Variants in CNBD1 observed in about 807,000 individuals in gnomAD.
CNBD1 encodes the protein cyclic nucleotide binding domain containing 1, also known as cyclic nucleotide-binding domain-containing protein 1.
Under a neutral mutation model 54.4 loss-of-function variants are expected in CNBD1, and 71 were observed. The ratio of observed to expected loss-of-function variants is 1.30; its 90% CI spans 1.08 to 1.59. The LOEUF (loss-of-function observed/expected upper bound fraction) is 1.59. Ranked by LOEUF, CNBD1 falls within the 40% of genes most tolerant of loss-of-function variation. The pLI is 0.00. For synonymous variants in CNBD1, 182 were observed against 170.7 expected, an observed-to-expected ratio of 1.07 and a Z score of -0.51; for missense variants, 659 against 518.0, an observed-to-expected ratio of 1.27 and a Z score of -2.64.
intron 2 of CNBD1, among the ~76,000 whole-genome samples, chr8:87,419,671 C>A (rs1411249851): frequency 1.3e-5 from 2 of 151,756 alleles, no homozygotes; most frequent in Admixed American, 6.6e-5. Context: ...GAAGTCTTCA[C>A]AATGTGAAAT....
intron 4 of CNBD1, among the ~76,000 whole-genome samples, chr8:87,002,923 A>T (rs1039934170): frequency 6.6e-6 from 1 of 152,180 alleles, no homozygotes; most frequent in African/African-American, 2.4e-5. Flanking sequence ...TTTGTAAAAA[A>T]ATATTTATTG....
downstream of CNBD1, among the ~76,000 whole-genome samples, chr8:87,387,180 G>A (rs991464378): frequency 1.6e-4 from 24 of 152,118 alleles, no homozygotes; most frequent in African/African-American, 5.3e-4. Flanking sequence ...ATCGAGGTTA[G>A]GAAGAAACTG....
intron 5 of CNBD1, among the ~76,000 whole-genome samples, chr8:87,224,502 C>A (rs1485512399): frequency 6.6e-6 from 1 of 151,138 alleles, no homozygotes; most frequent in Admixed American, 6.6e-5. Context: ...AATAGGGAAT[C>A]CTTTCCCCAT....
intron 2 of CNBD1, among the ~76,000 whole-genome samples, chr8:86,896,149 C>T (rs1243874862): frequency 6.6e-6 from 1 of 151,956 alleles, no homozygotes; most frequent in African/African-American, 2.4e-5. Context: ...TAAAGGACCC[C>T]AAATAGTAAA....
intron 10 of CNBD1, among the ~76,000 whole-genome samples, chr8:87,363,735 T>A (rs531499745): frequency 6.6e-6 from 1 of 152,254 alleles, no homozygotes; most frequent in African/African-American, 2.4e-5. Context: ...TTTAAGTTCC[T>A]TGTGGATTCT....
intron 3 of CNBD1, among the ~76,000 whole-genome samples, chr8:86,928,344 G>A (rs1809400061): frequency 1.3e-5 from 2 of 152,278 alleles, no homozygotes; most frequent in African/African-American, 2.4e-5. Context: ...TAGGACATGG[G>A]AGATGAGTTT....
Position 87,104,075 on chromosome 8 carries a change from A to G in CNBD1, c.432-101918A>G, listed in dbSNP as rs1241114581. 2.0e-5 allele frequency among the ~76,000 whole-genome samples: 3 copies of G among 152,236 alleles called. No individual in the cohort carries two copies. The South Asian group carries it at 6.2e-4, about 31-fold the overall frequency. On this transcript the variant is annotated intron_variant, in intron 4 of 10. Transcript: ENST00000518476. ...GTCAGCCATGATTGATGTTTTGCTAAGCATGTAACCAAATGAAAAAGACAC... is the reference window on the plus strand; with the variant it reads ...GTCAGCCATGATTGATGTTTTGCTAGGCATGTAACCAAATGAAAAAGACAC...
intron 8 of CNBD1, among the ~76,000 whole-genome samples, chr8:87,335,866 T>G (rs536169067): frequency 6.6e-6 from 1 of 152,338 alleles, no homozygotes; most frequent in Middle Eastern, 3.4e-3. Flanking sequence ...CCATATTTAG[T>G]GCTTCCTTCA....
chr8:87,299,281 CT>C (rs1808939841), intron 8 of CNBD1, among the ~76,000 whole-genome samples: 1 of 152,150 alleles, frequency 6.6e-6, no homozygotes, highest in Non-Finnish European at 1.5e-5. Flanking sequence ...ATTTTCTCCC[CT>C]GTCCCTTCTC....
chr8:87,393,928 A>C (rs553821782), intron 2 of CNBD1, among the ~76,000 whole-genome samples: 3,185 of 151,980 alleles, frequency 0.021, 113 homozygotes, highest in African/African-American at 0.072. Context: ...GAATAAAAAA[A>C]CACTATCCAA....
chr8:87,101,969 AC>A (rs1811436600), intron 4 of CNBD1, among the ~76,000 whole-genome samples: 1 of 150,748 alleles, frequency 6.6e-6, no homozygotes, highest in Non-Finnish European at 1.5e-5. Context: ...GCTCACTGCA[AC>A]CTCCACCTCC....
intron 2 of CNBD1, among the ~76,000 whole-genome samples, chr8:87,425,200 G>A (rs544461334): frequency 2.0e-5 from 3 of 152,072 alleles, no homozygotes; most frequent in South Asian, 2.1e-4. Context: ...CTCTGTATTG[G>A]TTATTCTAGT....
At chr8:87,319,818 G>A (rs1563550400) in intron 8 of CNBD1, among the ~76,000 whole-genome samples, 1 of 151,944 alleles carries the variant, frequency 6.6e-6, no homozygotes, top group Non-Finnish European at 1.5e-5. Context: ...GCTCATAAAT[G>A]TTCATTTTAT....
intron 4 of CNBD1, among the ~76,000 whole-genome samples, chr8:86,959,862 A>T (rs554708474): frequency 6.6e-6 from 1 of 152,234 alleles, no homozygotes; most frequent in East Asian, 1.9e-4. Flanking sequence ...TCCACTCGTC[A>T]AAGTCATTCT....
rs560618890 is a variant in CNBD1 at position 87,004,621 on chromosome 8, A to G, written c.431+64867A>G. ...AGTGCTTATTTTACCAAATATAATT[A>G]AAGACAATACTGAGAATCAATCCAT... On this transcript the variant is annotated intron_variant, in intron 4 of 10. Coordinates refer to ENST00000518476, the MANE Select transcript of CNBD1 (RefSeq NM_173538.3). Among the ~76,000 whole-genome samples, 38 of 152,204 alleles carry G rather than the reference A, an allele frequency of 2.5e-4. No individual in the cohort carries two copies. In the South Asian group the frequency reaches 5.6e-3, roughly 22 times the overall value.
At position 87,322,072 on chromosome 8, in the gene CNBD1, C is replaced by T. The variant is rs149698569; in HGVS notation, c.1043-29613C>T. Among the ~76,000 whole-genome samples, 1,211 of 130,134 alleles carry T rather than the reference C, an allele frequency of 9.3e-3. 25 individuals carry two copies. Among genetic ancestry groups the T allele is most frequent in the Non-Finnish European group, 0.011 (680 of 60,972 alleles). 85.4% of individuals were successfully genotyped at this position (130,134 alleles called of 152,430 possible). ...TGCGGTGTTTGGTTTTTTGTTCTTG[C>T]GATAGTTTACTGAGAATGATGATTT... On this transcript the variant is annotated intron_variant, in intron 8 of 10. Transcript: ENST00000518476.
chr8:87,224,750 T>C (rs1371547312), intron 5 of CNBD1, among the ~76,000 whole-genome samples: 1 of 151,000 alleles, frequency 6.6e-6, no homozygotes, highest in African/African-American at 2.5e-5. Context: ...CCATATGAAC[T>C]TTAAAGTAGT....
At chr8:86,903,247 G>A (rs1462773565) in intron 2 of CNBD1, among the ~76,000 whole-genome samples, 4 of 151,976 alleles carry the variant, frequency 2.6e-5, no homozygotes, top group African/African-American at 9.7e-5. Flanking sequence ...AGCTAACTAA[G>A]GTTATACACA....
At chr8:87,249,674 C>T (rs1025037465) in intron 6 of CNBD1, among the ~76,000 whole-genome samples, 12 of 152,112 alleles carry the variant, frequency 7.9e-5, no homozygotes, top group African/African-American at 2.9e-4. Flanking sequence ...CACTTTGCAG[C>T]CTAATTCCTA....
Sources: gnomAD v4.1 joint callset for allele counts (sites outside exome capture counted in the v4.1 genomes callset) on GRCh38, gnomAD v4.1.1 for gene constraint, MANE v1.5 for transcripts, NCBI Gene and HGNC (gene_info 2026-07-23, HGNC 2026-07-21) for gene names.